The following OR2T27 variants were observed in gnomAD, a reference collection of about 807,000 sequenced individuals.
OR2T27 encodes olfactory receptor family 2 subfamily T member 27, also known as olfactory receptor 2T27.
For synonymous variants in OR2T27, 51 were observed against 152.9 expected, an observed-to-expected ratio of 0.33 and a Z score of 4.92; for missense variants, 152 against 397.2, an observed-to-expected ratio of 0.38 and a Z score of 5.25.
At chr1:248,652,334 TC>T (rs891401248) in intron 1 of OR2T27, among the ~76,000 whole-genome samples, 3 of 150,498 alleles carry the variant, frequency 2.0e-5, no homozygotes, top group African/African-American at 2.4e-5. Flanking sequence ...TAAGGAAACT[TC>T]CCCAAGGAGG....
At chr1:248,652,120 C>CA (rs1439823297) in intron 1 of OR2T27, among the ~76,000 whole-genome samples, 2 of 152,060 alleles carry the variant, frequency 1.3e-5, no homozygotes, top group Admixed American at 6.6e-5. Context: ...TACCTTCATC[C>CA]AAACAAGTCC....
intron 1 of OR2T27, among the ~76,000 whole-genome samples, chr1:248,652,887 A>G (rs28552092): frequency 0.64 from 93,788 of 145,938 alleles, 32,277 homozygotes; most frequent in South Asian, 0.8. Flanking sequence ...CCAGTGGGAA[A>G]ATTAAAGGCA....
In OR2T27 at chr1:248,652,992, G is replaced by A. The variant is rs553391528; in HGVS notation, c.-4-2104C>T. Among the ~76,000 whole-genome samples the A allele has an allele frequency of 5.8e-3, 578 of 100,122 alleles. 4 individuals carry two copies. The highest frequency in any genetic ancestry group is 0.015 in the African/African-American group (555 of 36,486). 65.7% of individuals were successfully genotyped at this position (100,122 alleles called of 152,430 possible). A position where few individuals can be genotyped will look rare whatever the true frequency, so the allele number is the denominator to read the frequency against. The stretch of plus-strand genomic sequence containing the variant: ...ATAAGAACAAGATCCTTGGAGGGCC[G>A]TGCTTGTTATTTCACAGTAAATTCA... On this transcript the variant is annotated intron_variant, in intron 1 of 1. Coordinates refer to ENST00000460972, the MANE Select transcript of OR2T27 (RefSeq NM_001001824.2).
rs1230444163 is a variant in OR2T27, at chr1:248,650,374, A to C, written c.511T>G (p.Ser171Ala). Residue 171 changes from serine to alanine, a missense_variant, in exon 2 of 2, where the codon TCT (serine) becomes GCT (alanine). Coordinates refer to ENST00000460972, the MANE Select transcript of OR2T27 (RefSeq NM_001001824.2). ...CAGAAGAAGTGGTTGATCTCCCGAG[A>C]GGCACAGAAGGGGAACTGCATGGTG... Reference protein sequence around the residue: ...PVTMQFPFCASREINHFFCEV... With the variant: ...PVTMQFPFCAAREINHFFCEV... 2 of 1,387,266 alleles carry C rather than the reference A, an allele frequency of 1.4e-6. No individual in the cohort carries two copies. The highest frequency in any genetic ancestry group is 3.6e-5 in the Admixed American group (2 of 54,918). 85.9% of individuals were successfully genotyped at this position (1,387,266 alleles called of 1,614,324 possible). A position where few individuals can be genotyped will look rare whatever the true frequency, so the allele number is the denominator to read the frequency against.
intron 1 of OR2T27, among the ~76,000 whole-genome samples, chr1:248,655,088 G>T (rs1269035111): frequency 3.0e-5 from 1 of 33,444 alleles, no homozygotes; most frequent in African/African-American, 3.4e-5. Flanking sequence ...ACCTAAACAA[G>T]GTGGAATACT....
At chr1:248,655,216 TAC>T (rs1558182586) in intron 1 of OR2T27, among the ~76,000 whole-genome samples, 1 of 41,026 alleles carries the variant, frequency 2.4e-5, no homozygotes, top group Non-Finnish European at 1.9e-4. Flanking sequence ...AGTAATCTGC[TAC>T]ATTCTGATGT....
intron 1 of OR2T27, among the ~76,000 whole-genome samples, chr1:248,652,823 A>G (rs1275048242): frequency 2.2e-3 from 305 of 141,280 alleles, no homozygotes; most frequent in African/African-American, 7.0e-3. Context: ...TTTATGCCAG[A>G]GCTTTCCATC....
chr1:248,653,514 C>T (rs1476869075), intron 1 of OR2T27, among the ~76,000 whole-genome samples: 8 of 73,950 alleles, frequency 1.1e-4, no homozygotes, highest in Non-Finnish European at 2.2e-4. Flanking sequence ...GCTTGGTTCA[C>T]ATTCACGTTG....
chr1:248,650,192 T>TGC lies in OR2T27; in HGVS notation c.691_692dup (p.Glu232GlnfsTer84), dbSNP rs1179167517. 6.5e-7 allele frequency: 1 copy of TGC among 1,547,758 alleles called. No homozygotes were observed. The highest frequency in any genetic ancestry group is 8.8e-7 in the Non-Finnish European group (1 of 1,134,064). On this transcript the variant is annotated frameshift_variant, in exon 2 of 2. Coordinates refer to ENST00000460972, the MANE Select transcript of OR2T27 (RefSeq NM_001001824.2). LOFTEE classifies it low-confidence loss of function (END_TRUNC). ...TGGCCACAGCCTTTCCCCTCCCCTC[T>TGC]GCCTCGCTCATCCTATAAACAGTAA...
intron 1 of OR2T27, chr1:248,651,496 G>T (rs1487823708): frequency 1.4e-5 from 1 of 69,826 alleles, no homozygotes; most frequent in African/African-American, 2.8e-5. Flanking sequence ...AGTCATCCAA[G>T]AATTCATAGG....
At chr1:248,652,163 A>G (rs1411973690) in intron 1 of OR2T27, among the ~76,000 whole-genome samples, 3 of 95,138 alleles carry the variant, frequency 3.2e-5, no homozygotes, top group African/African-American at 7.8e-5. Context: ...ATTAGAATTG[A>G]GCCAAAAAAT....
At chr1:248,653,373 G>A (rs2103116874) in intron 1 of OR2T27, among the ~76,000 whole-genome samples, 1 of 139,774 alleles carries the variant, frequency 7.2e-6, no homozygotes, top group South Asian at 2.5e-4. Flanking sequence ...ATTATGCCAT[G>A]CCCCATGTAA....
intron 1 of OR2T27, among the ~76,000 whole-genome samples, chr1:248,651,972 T>C (rs1395430465): frequency 6.6e-6 from 1 of 150,934 alleles, no homozygotes; most frequent in South Asian, 2.1e-4. Context: ...TTGGATAATA[T>C]AGATTAAAAT....
rs555531186 is a variant in OR2T27, at chr1:248,649,858, A to C, written c.*73T>G. The C allele has an allele frequency of 2.4e-4, 246 of 1,029,910 alleles. 23 individuals are homozygous for C. In the South Asian group the frequency reaches 3.3e-3, roughly 14 times the overall value. The allele number at this position is 1,029,910 out of a possible 1,614,324, so 63.8% of individuals were successfully genotyped here. ...TGGGTCACTTGTTTCCAGGCAGAGA[A>C]TATTTAAATTCAAGGGCAATGATAA... On this transcript the variant is annotated 3_prime_UTR_variant, in exon 2 of 2. Coordinates refer to ENST00000460972, the MANE Select transcript of OR2T27 (RefSeq NM_001001824.2).
intron 1 of OR2T27, among the ~76,000 whole-genome samples, chr1:248,653,847 G>T (rs1226676906): frequency 4.5e-5 from 2 of 44,616 alleles, no homozygotes; most frequent in Non-Finnish European, 2.4e-4. Flanking sequence ...TCTATTTAGT[G>T]CAGCTATTTT....
At chr1:248,653,456 T>C (rs898441562) in intron 1 of OR2T27, among the ~76,000 whole-genome samples, 11 of 139,370 alleles carry the variant, frequency 7.9e-5, no homozygotes, top group African/African-American at 2.7e-4. Context: ...AGCACATCTT[T>C]CCCAGTCTTT....
At chr1:248,653,903 CA>C (rs1233092013) in intron 1 of OR2T27, among the ~76,000 whole-genome samples, 2 of 32,794 alleles carry the variant, frequency 6.1e-5, no homozygotes, top group Admixed American at 6.1e-4. Flanking sequence ...ATGTTTAGGC[CA>C]AAAAGTTTTG....
chr1:248,653,735 G>A (rs1661070584), intron 1 of OR2T27, among the ~76,000 whole-genome samples: 1 of 112,904 alleles, frequency 8.9e-6, no homozygotes, highest in African/African-American at 2.7e-5. Flanking sequence ...ATTGAACATA[G>A]TGTATATTTT....
At chr1:248,652,777 G>T (rs974534367) in intron 1 of OR2T27, among the ~76,000 whole-genome samples, 2 of 143,038 alleles carry the variant, frequency 1.4e-5, no homozygotes, top group African/African-American at 5.0e-5. Flanking sequence ...ATATCCTTAT[G>T]CATTTTTCAG....
Sources: allele counts gnomAD v4.1 joint callset (sites outside exome capture counted in the v4.1 genomes callset), GRCh38; gene constraint gnomAD v4.1.1; transcripts MANE v1.5; gene names NCBI Gene and HGNC (gene_info 2026-07-23, HGNC 2026-07-21).